Variants in ZFAND3 observed in about 807,000 individuals in gnomAD.
The protein encoded by ZFAND3 is AN1-type zinc finger protein 3.
A neutral mutation model predicts 29.6 loss-of-function variants in ZFAND3; 10 were observed. That is an observed-to-expected ratio of 0.34 (90% CI 0.21 to 0.57). The LOEUF (loss-of-function observed/expected upper bound fraction) is 0.57, where lower values mean the gene tolerates loss of function less well. Ranked by LOEUF, ZFAND3 falls within the 20% of genes least tolerant of loss-of-function variation. The pLI, the probability that ZFAND3 is intolerant of heterozygous loss-of-function variation, is 0.86. For synonymous variants in ZFAND3, 128 were observed against 112.6 expected (o/e 1.14, Z -0.87); for missense variants, 230 against 304.5 (o/e 0.76, Z 1.82).
chr6:37,870,798 G>C (rs1414003546), intron 1 of ZFAND3, among the ~76,000 whole-genome samples: 1 of 152,122 alleles, frequency 6.6e-6, no homozygotes, highest in Non-Finnish European at 1.5e-5. Flanking sequence ...ATCTGCTTCA[G>C]CCTCACAAAT....
chr6:38,100,313 C>T lies in ZFAND3; in HGVS notation c.362-16259C>T, dbSNP rs544595342. ...TCTTGACCTCGTGATCCGCCTGCCTCGACCTCCCAAAGTTTTGGGATTACA... is the reference window on the plus strand; with the variant it reads ...TCTTGACCTCGTGATCCGCCTGCCTTGACCTCCCAAAGTTTTGGGATTACA... On this transcript the variant is annotated intron_variant, in intron 4 of 5. Coordinates refer to ENST00000287218, the MANE Select transcript of ZFAND3 (RefSeq NM_021943.3). Among the ~76,000 whole-genome samples, 127 of 152,300 alleles carry T rather than the reference C, an allele frequency of 8.3e-4. 1 individual carries two copies. Among genetic ancestry groups the T allele is most frequent in the African/African-American group, 3.0e-3 (123 of 41,566 alleles).
At chr6:38,127,011 C>T (rs947999723) in intron 5 of ZFAND3, among the ~76,000 whole-genome samples, 2 of 151,820 alleles carry the variant, frequency 1.3e-5, no homozygotes, top group African/African-American at 2.4e-5. Context: ...TGTTAGCTCT[C>T]GATTCCTTAG....
intron 4 of ZFAND3, among the ~76,000 whole-genome samples, chr6:38,093,724 G>A (rs1050039565): frequency 5.3e-5 from 8 of 152,278 alleles, no homozygotes; most frequent in Admixed American, 4.6e-4. Flanking sequence ...TGTGGGAAAC[G>A]AAAGCCTGAA....
At chr6:37,849,456 T>C (rs1432950839) in intron 1 of ZFAND3, among the ~76,000 whole-genome samples, 3 of 152,246 alleles carry the variant, frequency 2.0e-5, no homozygotes, top group African/African-American at 7.2e-5. Context: ...TTGCCCAGGC[T>C]GGAGTGCAGT....
chr6:37,929,077 T>G (rs1013763255), intron 1 of ZFAND3, among the ~76,000 whole-genome samples: 1 of 152,196 alleles, frequency 6.6e-6, no homozygotes. Flanking sequence ...AACATAGTGT[T>G]CCATTATTGG....
Position 38,153,463 on chromosome 6 carries a change from A to C in ZFAND3, c.*1074A>C, listed in dbSNP as rs571993781. 1.4e-5 allele frequency: 14 copies of C among 985,540 alleles called. No individual in the cohort carries two copies. The South Asian group carries it at 5.2e-4, about 36-fold the overall frequency. The allele number at this position is 985,540 out of a possible 1,614,324, so 61.0% of individuals were successfully genotyped here. A position where few individuals can be genotyped will look rare whatever the true frequency, so the allele number is the denominator to read the frequency against. ...GTCCAAGGACACCCAGTCCACATCT[A>C]CCATATAGCAAGTTTAGTAAGGGAA... On this transcript the variant is annotated 3_prime_UTR_variant, in exon 6 of 6. Coordinates refer to ENST00000287218, the MANE Select transcript of ZFAND3 (RefSeq NM_021943.3).
chr6:38,021,571 C>T (rs916892493), intron 2 of ZFAND3, among the ~76,000 whole-genome samples: 8 of 152,210 alleles, frequency 5.3e-5, no homozygotes, highest in Admixed American at 1.3e-4. Flanking sequence ...TTCTTCCAAT[C>T]AGCAACGAAA....
At chr6:37,951,789 C>T (rs1272295841) in intron 2 of ZFAND3, among the ~76,000 whole-genome samples, 2 of 152,024 alleles carry the variant, frequency 1.3e-5, no homozygotes, top group Non-Finnish European at 2.9e-5. Context: ...AAGGGAAATA[C>T]TTCTAGTTTT....
chr6:37,915,402 T>G (rs941394670), intron 1 of ZFAND3, among the ~76,000 whole-genome samples: 8 of 152,260 alleles, frequency 5.3e-5, no homozygotes, highest in Admixed American at 5.2e-4. Flanking sequence ...AGGCCTAGCT[T>G]TAGGCCTATC....
At chr6:37,970,890 G>A (rs768475073) in intron 2 of ZFAND3, among the ~76,000 whole-genome samples, 3 of 151,998 alleles carry the variant, frequency 2.0e-5, no homozygotes, top group Non-Finnish European at 2.9e-5. Flanking sequence ...GGGCTACAGA[G>A]CGAGACTCCG....
intron 2 of ZFAND3, among the ~76,000 whole-genome samples, chr6:37,948,645 T>C (rs572331856): frequency 6.6e-6 from 1 of 152,342 alleles, no homozygotes; most frequent in African/African-American, 2.4e-5. Context: ...TGCGTATCTA[T>C]ATTTGCCTTG....
At chr6:37,862,503 G>A (rs1330503597) in intron 1 of ZFAND3, among the ~76,000 whole-genome samples, 5 of 150,198 alleles carry the variant, frequency 3.3e-5, no homozygotes, top group Non-Finnish European at 7.4e-5. Flanking sequence ...GTGACATAGT[G>A]AGACCCTATC....
chr6:37,983,200 G>A (rs1312150297), intron 2 of ZFAND3, among the ~76,000 whole-genome samples: 3 of 151,910 alleles, frequency 2.0e-5, no homozygotes, highest in South Asian at 2.1e-4. Context: ...CAATAAATTT[G>A]GTGTACCATG....
chr6:37,973,480 T>C (rs941041368), intron 2 of ZFAND3, among the ~76,000 whole-genome samples: 3 of 152,242 alleles, frequency 2.0e-5, no homozygotes, highest in Admixed American at 1.3e-4. Context: ...TTTGTAATGA[T>C]AGAAATGTTC....
chr6:38,085,796 A>G (rs1399876557), intron 4 of ZFAND3, among the ~76,000 whole-genome samples: 1 of 152,166 alleles, frequency 6.6e-6, no homozygotes, highest in African/African-American at 2.4e-5. Context: ...TATTAAAGGT[A>G]CATGGCCAGT....
intron 5 of ZFAND3, among the ~76,000 whole-genome samples, chr6:38,132,121 GTATGCT>G (rs1482236452): frequency 6.6e-6 from 1 of 152,168 alleles, no homozygotes; most frequent in Non-Finnish European, 1.5e-5. Context: ...AAATTATTTG[GTATGCT>G]TATGAGTTTA....
intron 2 of ZFAND3, among the ~76,000 whole-genome samples, chr6:37,934,346 G>C (rs1032488010): frequency 1.3e-5 from 2 of 152,040 alleles, no homozygotes; most frequent in South Asian, 4.1e-4. Context: ...AGTCTTAAGA[G>C]AAAGGCCTTG....
intron 4 of ZFAND3, among the ~76,000 whole-genome samples, chr6:38,101,890 A>G (rs1765101342): frequency 6.6e-6 from 1 of 152,182 alleles, no homozygotes; most frequent in African/African-American, 2.4e-5. Context: ...TAGTTTAAAA[A>G]CAAATCAGCT....
chr6:38,130,141 G>T (rs915479448), intron 5 of ZFAND3, among the ~76,000 whole-genome samples: 2 of 151,998 alleles, frequency 1.3e-5, no homozygotes, highest in Non-Finnish European at 2.9e-5. Flanking sequence ...GAGAGCTACT[G>T]ATTTGTGTAC....
Sources: allele counts gnomAD v4.1 joint callset (sites outside exome capture counted in the v4.1 genomes callset), GRCh38; gene constraint gnomAD v4.1.1; transcripts MANE v1.5; gene names NCBI Gene and HGNC (gene_info 2026-07-23, HGNC 2026-07-21).